PTPN2: variants seen among roughly 807,000 people sequenced by gnomAD.
PTPN2 encodes tyrosine-protein phosphatase non-receptor type 2.
Under a neutral mutation model 57.3 loss-of-function variants are expected in PTPN2, and 19 were observed. That is an observed-to-expected ratio of 0.33 (90% CI 0.23 to 0.49). The LOEUF (loss-of-function observed/expected upper bound fraction) is 0.49. Among genes scored for constraint, PTPN2 ranks in the 20% least tolerant of loss-of-function variants. The probability of loss-of-function intolerance (pLI) is 0.99; values close to 1 mark genes in which losing one functional copy is unlikely to be tolerated. For missense variants in PTPN2, 358 were observed against 501.1 expected, an observed-to-expected ratio of 0.71 and a Z score of 2.73; for synonymous variants, 153 against 164.9, an observed-to-expected ratio of 0.93 and a Z score of 0.55.
chr18:12,788,297 A>C (rs981451835), downstream of PTPN2: 1 of 152,332 alleles, frequency 6.6e-6, no homozygotes, highest in South Asian at 2.1e-4. Context: ...GTCGTGAAGC[A>C]GTTTCTGTAA....
At chr18:12,852,247 G>A (rs2043423606) in intron 2 of PTPN2, among the ~76,000 whole-genome samples, 1 of 144,584 alleles carries the variant, frequency 6.9e-6, no homozygotes, top group Non-Finnish European at 1.5e-5. Context: ...TTCATGGCCA[G>A]TGAAAAGACA....
At chr18:12,874,008 C>A in intron 1 of PTPN2, among the ~76,000 whole-genome samples, 1 of 151,782 alleles carries the variant, frequency 6.6e-6, no homozygotes. Context: ...GACCCTCCAC[C>A]TGGCAACCGC....
At chr18:12,816,416 T>A (rs942311027) in intron 6 of PTPN2, among the ~76,000 whole-genome samples, 1 of 152,226 alleles carries the variant, frequency 6.6e-6, no homozygotes, top group Non-Finnish European at 1.5e-5. Context: ...CAGGGACTAC[T>A]GAAGGAGTAG....
At position 12,794,084 on chromosome 18, in the gene PTPN2, T is replaced by A. The variant is rs2041071827; in HGVS notation, c.*194A>T. ...CTTTATTTTAGACAGCCATTTACAGTTTGGGGTTCAGAGGAACCTGCAGTC... is the reference window on the plus strand; with the variant it reads ...CTTTATTTTAGACAGCCATTTACAGATTGGGGTTCAGAGGAACCTGCAGTC... On this transcript the variant is annotated 3_prime_UTR_variant, in exon 9 of 9. Transcript: ENST00000309660. 1 of 1,429,200 alleles carries A rather than the reference T, an allele frequency of 7.0e-7. No individual in the cohort carries two copies. The highest frequency in any genetic ancestry group is 3.0e-5 in the Admixed American group (1 of 33,726). 88.5% of individuals were successfully genotyped at this position (1,429,200 alleles called of 1,614,324 possible). A position where few individuals can be genotyped will look rare whatever the true frequency, so the allele number is the denominator to read the frequency against.
In PTPN2 at chr18:12,839,845, A is replaced by G. The variant is rs533744427; in HGVS notation, c.161-2954T>C. Among the ~76,000 whole-genome samples, 6 of 152,284 alleles carry G rather than the reference A, an allele frequency of 3.9e-5. No homozygotes were observed. The South Asian group carries it at 1.0e-3, about 26-fold the overall frequency. On this transcript the variant is annotated intron_variant, in intron 2 of 8. Coordinates refer to ENST00000309660, the MANE Select transcript of PTPN2 (RefSeq NM_002828.4). ...CTACCCTCAAACAGCATGTTTTCTG[A>G]GAAACAGCTCCACCTCTCAAGAAAT...
intron 1 of PTPN2, chr18:12,883,715 G>C (rs9961968): frequency 5.2e-6 from 1 of 193,156 alleles, no homozygotes; most frequent in Non-Finnish European, 1.1e-5. Flanking sequence ...CCGGGGGCGC[G>C]CGCCCGAGCG....
chr18:12,883,857 C>T, intron 1 of PTPN2: 1 of 487,854 alleles, frequency 2.0e-6, no homozygotes, highest in Non-Finnish European at 3.6e-6. Context: ...ATGAGCTGCT[C>T]AGCTCAAGTA....
intron 1 of PTPN2, among the ~76,000 whole-genome samples, chr18:12,874,993 ATC>A (rs2044437499): frequency 6.6e-6 from 1 of 152,136 alleles, no homozygotes; most frequent in African/African-American, 2.4e-5. Context: ...GATCCTGTTG[ATC>A]TGTGACCTTA....
chr18:12,845,734 G>T (rs1227283598), intron 2 of PTPN2, among the ~76,000 whole-genome samples: 1 of 151,916 alleles, frequency 6.6e-6, no homozygotes, highest in Non-Finnish European at 1.5e-5. Context: ...TTTTTAATTT[G>T]TATGTTTAAA....
rs1342768169 is a variant in PTPN2, at chr18:12,883,931, C to A, written c.69+142G>T. ...GAGAGCGGTCAGCGCAGGCGCGCCC[C>A]TGACGCGGACCGCGCCGCCACTTCC... On this transcript the variant is annotated intron_variant, in intron 1 of 8. Coordinates refer to ENST00000309660, the MANE Select transcript of PTPN2 (RefSeq NM_002828.4). 4 of 642,310 alleles carry A rather than the reference C, an allele frequency of 6.2e-6. No individual in the cohort carries two copies. In the Admixed American group the frequency reaches 1.3e-4, roughly 22 times the overall value. The allele number at this position is 642,310 out of a possible 1,614,324, so 39.8% of individuals were successfully genotyped here. A position where few individuals can be genotyped will look rare whatever the true frequency, so the allele number is the denominator to read the frequency against.
At chr18:12,870,787 G>A (rs569966812) in intron 1 of PTPN2, among the ~76,000 whole-genome samples, 18 of 151,906 alleles carry the variant, frequency 1.2e-4, no homozygotes, top group Admixed American at 2.0e-4. Flanking sequence ...GAGATTACAG[G>A]AGTGAGCCAC....
intron 6 of PTPN2, among the ~76,000 whole-genome samples, chr18:12,815,534 C>G (rs2042046743): frequency 6.6e-6 from 1 of 152,044 alleles, no homozygotes; most frequent in South Asian, 2.1e-4. Context: ...GGACTACTGA[C>G]CTAGTGTTAG....
At chr18:12,794,723 G>T (rs2041102655) in intron 8 of PTPN2, among the ~76,000 whole-genome samples, 1 of 152,144 alleles carries the variant, frequency 6.6e-6, no homozygotes, top group African/African-American at 2.4e-5. Context: ...CCACGCTCAA[G>T]TGATTCTCGT....
At chr18:12,844,643 G>A (rs896888135) in intron 2 of PTPN2, among the ~76,000 whole-genome samples, 3 of 152,012 alleles carry the variant, frequency 2.0e-5, no homozygotes, top group Admixed American at 2.0e-4. Flanking sequence ...TCTATATATA[G>A]TCCAGATCTA....
chr18:12,858,198 G>A (rs933597307), intron 2 of PTPN2, among the ~76,000 whole-genome samples: 5 of 152,008 alleles, frequency 3.3e-5, no homozygotes, highest in African/African-American at 7.2e-5. Flanking sequence ...GTCAACAGGC[G>A]AACAATCAGT....
chr18:12,801,198 C>A (rs182570736), intron 8 of PTPN2, among the ~76,000 whole-genome samples: 7 of 152,270 alleles, frequency 4.6e-5, no homozygotes, highest in Admixed American at 3.9e-4. Context: ...ATACTAAATA[C>A]CCTCAGGTAA....
chr18:12,814,277 G>C lies in PTPN2; in HGVS notation c.784C>G (p.Pro262Ala). Reference protein sequence around the residue: ...RKYRMGLIQTPDQLRFSYMAI... With the variant: ...RKYRMGLIQTADQLRFSYMAI... ...ATGTATGAGAATCTCAGTTGATCTG[G>C]GGTCTGAATAAGACCCATTCGGTAT... The change falls in exon 7 of 9, where the codon CCA becomes GCA. Residue 262 changes from proline to alanine, a missense_variant. By Grantham distance (27) the Pro-to-Ala change is conservative (BLOSUM62 -1). Transcript: ENST00000309660. 2 of 1,607,308 alleles carry C rather than the reference G, an allele frequency of 1.2e-6. No individual in the cohort carries two copies. Among genetic ancestry groups the C allele is most frequent in the Non-Finnish European group, 1.7e-6 (2 of 1,175,310 alleles).
At chr18:12,848,680 A>G (rs1187371909) in intron 2 of PTPN2, among the ~76,000 whole-genome samples, 1 of 152,236 alleles carries the variant, frequency 6.6e-6, no homozygotes, top group African/African-American at 2.4e-5. Flanking sequence ...CTCCAGCCCC[A>G]GCCCCCATTT....
chr18:12,825,234 A>G (rs1307282078), intron 5 of PTPN2, among the ~76,000 whole-genome samples: 6 of 152,054 alleles, frequency 3.9e-5, no homozygotes, highest in Non-Finnish European at 7.4e-5. Context: ...TTTTTTTCCA[A>G]CTCAATAGGG....
Sources: allele counts gnomAD v4.1 joint callset (sites outside exome capture counted in the v4.1 genomes callset), GRCh38; gene constraint gnomAD v4.1.1; transcripts MANE v1.5; gene names NCBI Gene and HGNC (gene_info 2026-07-23, HGNC 2026-07-21).